Variants in PTPRM observed in about 807,000 individuals in gnomAD.
The protein encoded by PTPRM is receptor-type tyrosine-protein phosphatase mu.
A neutral mutation model predicts 186.7 loss-of-function variants in PTPRM; 47 were observed. The ratio of observed to expected loss-of-function variants is 0.25; its 90% CI spans 0.20 to 0.32. The LOEUF (loss-of-function observed/expected upper bound fraction) is 0.32, where lower values mean the gene tolerates loss of function less well. Among genes scored for constraint, PTPRM ranks in the 10% least tolerant of loss-of-function variants. The pLI is 1.00. For synonymous variants in PTPRM, 668 were observed against 674.9 expected, an observed-to-expected ratio of 0.99 and a Z score of 0.16; for missense variants, 1,494 against 1,865.0, an observed-to-expected ratio of 0.80 and a Z score of 3.66.
chr18:7,877,921 C>T (rs2048324743), intron 2 of PTPRM, among the ~76,000 whole-genome samples: 1 of 152,124 alleles, frequency 6.6e-6, no homozygotes. Context: ...CTGCTCTTGG[C>T]AAGGAGTGTG....
At chr18:7,588,776 C>T (rs944170718) in intron 1 of PTPRM, among the ~76,000 whole-genome samples, 2 of 152,142 alleles carry the variant, frequency 1.3e-5, no homozygotes, top group Non-Finnish European at 2.9e-5. Flanking sequence ...ATCCTTTAAC[C>T]GTGGTCACTT....
intron 19 of PTPRM, among the ~76,000 whole-genome samples, chr18:8,279,980 G>T (rs1401099431): frequency 6.6e-6 from 1 of 152,202 alleles, no homozygotes; most frequent in African/African-American, 2.4e-5. Context: ...TCATATGTTG[G>T]CATTCAGGGT....
In PTPRM at chr18:7,670,365, GTCTT is replaced by G. The variant is rs2039193196; in HGVS notation, c.73+102480_73+102483del. Among the ~76,000 whole-genome samples, 3 of 152,142 alleles carry G rather than the reference GTCTT, an allele frequency of 2.0e-5. No individual in the cohort carries two copies. In the South Asian group the frequency reaches 6.2e-4, roughly 32 times the overall value. ...TATACTTTTTACTTATATAGATTCT[GTCTT>G]TCTTTTCAAAAAAGTTTGATTTAAA... On this transcript the variant is annotated intron_variant, in intron 1 of 32. Coordinates refer to ENST00000580170, the MANE Select transcript of PTPRM (RefSeq NM_001105244.2).
chr18:8,379,913 G>A (rs531157971), intron 28 of PTPRM, among the ~76,000 whole-genome samples: 1 of 152,288 alleles, frequency 6.6e-6, no homozygotes, highest in South Asian at 2.1e-4. Flanking sequence ...TAAGAACACT[G>A]TCACACATAC....
chr18:7,819,966 G>A (rs2045093639), intron 2 of PTPRM, among the ~76,000 whole-genome samples: 1 of 152,242 alleles, frequency 6.6e-6, no homozygotes, highest in South Asian at 2.1e-4. Flanking sequence ...AGGAGCCATT[G>A]AAGTGATACA....
intron 13 of PTPRM, among the ~76,000 whole-genome samples, chr18:8,124,146 A>G (rs939807254): frequency 1.3e-5 from 2 of 152,150 alleles, no homozygotes; most frequent in Non-Finnish European, 2.9e-5. Context: ...TATTCCTCCT[A>G]AGGGCTACAG....
chr18:7,841,801 A>G (rs1260703523), intron 2 of PTPRM, among the ~76,000 whole-genome samples: 1 of 152,208 alleles, frequency 6.6e-6, no homozygotes, highest in Non-Finnish European at 1.5e-5. Context: ...TGCCATTACG[A>G]TCTGTAGGTT....
At chr18:8,209,776 G>A (rs2093977253) in intron 14 of PTPRM, among the ~76,000 whole-genome samples, 1 of 151,886 alleles carries the variant, frequency 6.6e-6, no homozygotes, top group African/African-American at 2.4e-5. Flanking sequence ...CGAACAATGA[G>A]AACACATGGA....
chr18:7,771,713 A>C (rs2053392312), intron 1 of PTPRM, among the ~76,000 whole-genome samples: 1 of 152,216 alleles, frequency 6.6e-6, no homozygotes, highest in South Asian at 2.1e-4. Flanking sequence ...AGACAGTCTG[A>C]GGCTCCTTGA....
chr18:7,981,487 G>C (rs2082548345), intron 7 of PTPRM, among the ~76,000 whole-genome samples: 1 of 152,138 alleles, frequency 6.6e-6, no homozygotes, highest in South Asian at 2.1e-4. Context: ...ATCAATTAAA[G>C]TGTGAGGCAG....
chr18:7,698,132 C>G (rs559527757), intron 1 of PTPRM, among the ~76,000 whole-genome samples: 2 of 152,288 alleles, frequency 1.3e-5, no homozygotes, highest in Admixed American at 6.5e-5. Context: ...AAAATCTCAT[C>G]CTCACCCCTT....
At position 7,858,539 on chromosome 18, in the gene PTPRM, C is replaced by T. The variant is rs549757006; in HGVS notation, c.197-29567C>T. Among the ~76,000 whole-genome samples the T allele has an allele frequency of 3.4e-4, 52 of 152,148 alleles. 1 individual carries two copies. Among genetic ancestry groups the T allele is most frequent in the Admixed American group, 1.2e-3 (19 of 15,260 alleles). ...TTGTGCCACTGCACTCTACCCTGGG[C>T]GAGTGAGACCCTGTCTTTTAGAAAA... On this transcript the variant is annotated intron_variant, in intron 2 of 32. Coordinates refer to ENST00000580170, the MANE Select transcript of PTPRM (RefSeq NM_001105244.2).
intron 1 of PTPRM, among the ~76,000 whole-genome samples, chr18:7,726,447 A>G (rs574830122): frequency 6.6e-6 from 1 of 152,302 alleles, no homozygotes; most frequent in South Asian, 2.1e-4. Flanking sequence ...GTTGTTAATA[A>G]TATCATTTTA....
chr18:7,828,933 C>T (rs2045626383), intron 2 of PTPRM, among the ~76,000 whole-genome samples: 1 of 152,110 alleles, frequency 6.6e-6, no homozygotes, highest in South Asian at 2.1e-4. Flanking sequence ...TAAAGAACTC[C>T]TTTTCTTCTC....
intron 13 of PTPRM, among the ~76,000 whole-genome samples, chr18:8,121,452 A>G (rs1055334155): frequency 1.3e-5 from 2 of 151,982 alleles, no homozygotes; most frequent in African/African-American, 4.8e-5. Context: ...ATTTTTTTTA[A>G]ATATCTGTGT....
chr18:8,132,570 C>G (rs2092537577), intron 13 of PTPRM, among the ~76,000 whole-genome samples: 1 of 151,988 alleles, frequency 6.6e-6, no homozygotes, highest in East Asian at 1.9e-4. Flanking sequence ...TCTGAAGAGC[C>G]CCAGACCATT....
At chr18:7,952,814 C>T (rs866673386) in intron 6 of PTPRM, among the ~76,000 whole-genome samples, 10 of 152,012 alleles carry the variant, frequency 6.6e-5, no homozygotes, top group South Asian at 6.2e-4. Flanking sequence ...GAGACCAGCC[C>T]GGCCAACATG....
chr18:8,038,017 A>G (rs73385659), intron 7 of PTPRM, among the ~76,000 whole-genome samples: 3,726 of 152,098 alleles, frequency 0.024, 140 homozygotes, highest in African/African-American at 0.085. Flanking sequence ...GCTGTAATAG[A>G]CTCTGAGCTT....
intron 14 of PTPRM, among the ~76,000 whole-genome samples, chr18:8,172,709 A>G (rs561260408): frequency 0.064 from 9,373 of 147,298 alleles, 323 homozygotes; most frequent in African/African-American, 0.084. Flanking sequence ...AAAAAAAAAA[A>G]GAAAAAAAAA....
Sources: allele counts gnomAD v4.1 joint callset (sites outside exome capture counted in the v4.1 genomes callset), GRCh38; gene constraint gnomAD v4.1.1; transcripts MANE v1.5; gene names NCBI Gene and HGNC (gene_info 2026-07-23, HGNC 2026-07-21).